ZBTB10: variants seen among roughly 807,000 people sequenced by gnomAD.
ZBTB10 encodes zinc finger and BTB domain containing 10, also known as zinc finger and BTB domain-containing protein 10.
In ZBTB10, 32 loss-of-function variants were observed where a neutral mutation model predicts 76.4. The observed-to-expected ratio is 0.42, with a 90% CI of 0.32 to 0.56. The LOEUF (loss-of-function observed/expected upper bound fraction) is 0.56, where lower values mean the gene tolerates loss of function less well. ZBTB10 is among the 20% of genes least tolerant of loss of function. ZBTB10 has a pLI of 0.14. For missense variants in ZBTB10, 1,057 were observed against 1,098.5 expected, an observed-to-expected ratio of 0.96 and a Z score of 0.53; for synonymous variants, 523 against 432.9, an observed-to-expected ratio of 1.21 and a Z score of -2.58.
At chr8:80,509,205 G>A (rs1415898072) in intron 2 of ZBTB10, among the ~76,000 whole-genome samples, 1 of 152,138 alleles carries the variant, frequency 6.6e-6, no homozygotes, top group Admixed American at 6.5e-5. Flanking sequence ...CCTGTTTATG[G>A]GGGGGAAAAG....
At chr8:80,485,986 A>AC (rs1448846438), upstream of ZBTB10, 4 of 1,068,862 alleles carry the variant, frequency 3.7e-6, no homozygotes, top group African/African-American at 1.9e-5. Context: ...CCTCCCTGAG[A>AC]CCCCCAGCCC....
At position 80,487,101 on chromosome 8, in the gene ZBTB10, C is replaced by T; in HGVS notation, c.291C>T (p.Pro97=). 2.6e-6 allele frequency: 4 copies of T among 1,519,380 alleles called. No homozygotes were observed. Among genetic ancestry groups the T allele is most frequent in the Non-Finnish European group, 3.5e-6 (4 of 1,139,310 alleles). 94.1% of individuals were successfully genotyped at this position (1,519,380 alleles called of 1,614,324 possible). The change falls in exon 1 of 6, where the codon CCC becomes CCT. Residue 97 remains proline, a synonymous_variant. Transcript: ENST00000455036. ...AGGAAGCCAAGGAGTTGCTGCTCCC[C>T]CAAGACGCGGGCGGCCCCACCTCGC... is the stretch of plus-strand genomic sequence containing the variant. The part of the protein sequence containing the change: ...AAEEAKELLL[P]QDAGGPTSLG...
chr8:80,492,771 C>A (rs1366694176), intron 1 of ZBTB10, among the ~76,000 whole-genome samples: 1 of 152,046 alleles, frequency 6.6e-6, no homozygotes, highest in Non-Finnish European at 1.5e-5. Context: ...GTCACGCACC[C>A]GGCCTGAAGA....
At chr8:80,492,936 G>T (rs910739128) in intron 1 of ZBTB10, among the ~76,000 whole-genome samples, 8 of 151,990 alleles carry the variant, frequency 5.3e-5, no homozygotes, top group Non-Finnish European at 1.5e-5. Flanking sequence ...GGAGCCAGGC[G>T]CAGTGAGTGG....
intron 3 of ZBTB10, among the ~76,000 whole-genome samples, chr8:80,514,396 T>C (rs1816276719): frequency 6.6e-6 from 1 of 152,196 alleles, no homozygotes; most frequent in African/African-American, 2.4e-5. Flanking sequence ...TAGTTCTGTG[T>C]GATGTCAGCA....
intron 1 of ZBTB10, 127 bp downstream of exon 1, chr8:80,487,909 A>G: frequency 8.9e-7 from 1 of 1,128,298 alleles, no homozygotes; most frequent in East Asian, 2.6e-5. Context: ...ACATCGTTCC[A>G]GTTGAGAGGT....
intron 2 of ZBTB10, among the ~76,000 whole-genome samples, chr8:80,513,645 A>G (rs1816254455): frequency 6.6e-6 from 1 of 152,238 alleles, no homozygotes; most frequent in African/African-American, 2.4e-5. Context: ...TTAGGGAGAA[A>G]CTAAGGCATA....
In ZBTB10 at chr8:80,519,710, A is replaced by C. The variant is rs1468484868; in HGVS notation, c.*182A>C. The C allele has an allele frequency of 3.6e-6, 2 of 559,870 alleles. No homozygotes were observed. The highest frequency in any genetic ancestry group is 6.3e-5 in the Admixed American group (2 of 31,754). 34.7% of individuals were successfully genotyped at this position (559,870 alleles called of 1,614,324 possible). On this transcript the variant is annotated 3_prime_UTR_variant, in exon 6 of 6. Transcript: ENST00000455036. ...TTTTTTTTTATATTTGCACAGGACT[A>C]TACAGCAAACAACCATGTGGTTGGA...
rs1816468304 is a variant in ZBTB10, at chr8:80,522,437, A to G, written c.*2909A>G. 6.6e-6 allele frequency: 1 copy of G among 151,972 alleles called. No homozygotes were observed. The highest frequency in any genetic ancestry group is 1.5e-5 in the Non-Finnish European group (1 of 67,870). The allele number at this position is 151,972 out of a possible 1,614,324, so 9.4% of individuals were successfully genotyped here. On this transcript the variant is annotated 3_prime_UTR_variant, in exon 6 of 6. Transcript: ENST00000455036. ...TCTGTAGTTACAGACCGTCTCATAA[A>G]TCAAGATTGTGCATTATTAGAGTTC...
chr8:80,485,651 C>T (rs1815425829), upstream of ZBTB10: 1 of 706,442 alleles, frequency 1.4e-6, no homozygotes, highest in Non-Finnish European at 2.3e-6. Flanking sequence ...CGAGGTGCTG[C>T]CTCGCACAAT....
At chr8:80,493,246 G>C (rs1038583453) in intron 1 of ZBTB10, among the ~76,000 whole-genome samples, 12 of 120,588 alleles carry the variant, frequency 1.0e-4, no homozygotes, top group African/African-American at 1.7e-4. Context: ...CACACACACA[G>C]CCTGAGGAAA....
chr8:80,507,989 G>A (rs1045899228), intron 2 of ZBTB10, among the ~76,000 whole-genome samples: 2 of 152,170 alleles, frequency 1.3e-5, no homozygotes, highest in African/African-American at 4.8e-5. Flanking sequence ...TTTAAAAGAT[G>A]GTAGTAGGCA....
rs953275232 is a variant in ZBTB10, at chr8:80,486,449, C to T, written c.-362C>T. 3.2e-4 allele frequency: 315 copies of T among 984,816 alleles called. No homozygotes were observed. Among genetic ancestry groups the T allele is most frequent in the Non-Finnish European group, 3.6e-4 (296 of 829,910 alleles). The allele number at this position is 984,816 out of a possible 1,614,324, so 61.0% of individuals were successfully genotyped here. A position where few individuals can be genotyped will look rare whatever the true frequency, so the allele number is the denominator to read the frequency against. On this transcript the variant is annotated 5_prime_UTR_variant, in exon 1 of 6. Transcript: ENST00000455036. ...CTTTAAAGAGGGGGCAGCGGAGGGTCTCCCCGCACTCCGCTGCTCAACTTC... is the reference window on the plus strand; with the variant it reads ...CTTTAAAGAGGGGGCAGCGGAGGGTTTCCCCGCACTCCGCTGCTCAACTTC...
intron 1 of ZBTB10, among the ~76,000 whole-genome samples, chr8:80,496,524 A>T (rs1815787877): frequency 6.6e-6 from 1 of 152,198 alleles, no homozygotes; most frequent in South Asian, 2.1e-4. Context: ...AGAAAAAAAA[A>T]TAGTGGTTGA....
Position 80,487,158 on chromosome 8 carries a change from G to T in ZBTB10, c.348G>T (p.Ala116=). Residue 116 remains alanine, a synonymous_variant, in exon 1 of 6, where the codon GCG becomes GCT. Transcript: ENST00000455036. ...GTGGCGCGGGGGGCCCCCTGCTAGC[G>T]GAAAGGAACCGTCGGACTCTGGCCT... ...LGGGAGGPLL[A]ERNRRTLAFR... is the part of the protein sequence containing the mutation. 6.6e-7 allele frequency: 1 copy of T among 1,519,618 alleles called. No homozygotes were observed. The highest frequency in any genetic ancestry group is 8.8e-7 in the Non-Finnish European group (1 of 1,136,150). The allele number at this position is 1,519,618 out of a possible 1,614,324, so 94.1% of individuals were successfully genotyped here. A position where few individuals can be genotyped will look rare whatever the true frequency, so the allele number is the denominator to read the frequency against.
intron 1 of ZBTB10, among the ~76,000 whole-genome samples, chr8:80,497,768 AC>A (rs974568502): frequency 1.4e-5 from 2 of 144,664 alleles, no homozygotes; most frequent in African/African-American, 5.2e-5. Context: ...GCTCACCACA[AC>A]CTCTGCCTCA....
At chr8:80,513,009 C>T (rs1269319656) in intron 2 of ZBTB10, among the ~76,000 whole-genome samples, 1 of 151,942 alleles carries the variant, frequency 6.6e-6, no homozygotes, top group African/African-American at 2.4e-5. Context: ...CTACTTTTCC[C>T]CTAAAAGTCT....
intron 3 of ZBTB10, among the ~76,000 whole-genome samples, chr8:80,515,230 G>A (rs1816298025): frequency 1.3e-5 from 2 of 152,296 alleles, no homozygotes; most frequent in African/African-American, 4.8e-5. Context: ...GCATGTATGT[G>A]TGTACATAAA....
chr8:80,500,015 T>C lies in ZBTB10; in HGVS notation c.1494T>C (p.Ile498=). The C allele has an allele frequency of 6.2e-7, 1 of 1,613,978 alleles. No individual in the cohort carries two copies. The highest frequency in any genetic ancestry group is 8.5e-7 in the Non-Finnish European group (1 of 1,179,884). ...DGLSSSRDQK[I]ASFWATRNLT... is the part of the protein sequence containing the mutation. The stretch of plus-strand genomic sequence containing the variant: ...TGTCTTCATCACGGGATCAAAAAAT[T>C]GCCAGTTTTTGGGCAACACGGAATC... The change falls in exon 2 of 6, where the codon ATT becomes ATC. Residue 498 remains isoleucine (I), a synonymous_variant. Transcript: ENST00000455036.
Sources: allele counts gnomAD v4.1 joint callset (sites outside exome capture counted in the v4.1 genomes callset), GRCh38; gene constraint gnomAD v4.1.1; transcripts MANE v1.5; gene names NCBI Gene and HGNC (gene_info 2026-07-23, HGNC 2026-07-21).